L3MBTL4: variants seen among roughly 807,000 people sequenced by gnomAD.
L3MBTL4 encodes lethal(3)malignant brain tumor-like protein 4.
A neutral mutation model predicts 84.5 loss-of-function variants in L3MBTL4; 70 were observed. The ratio of observed to expected loss-of-function variants is 0.83; its 90% CI spans 0.68 to 1.01. The LOEUF is 1.01. Ranked by LOEUF, L3MBTL4 falls within the 50% of genes least tolerant of loss-of-function variation. The pLI is 0.00. For missense variants in L3MBTL4, 715 were observed against 754.8 expected (o/e 0.95, Z 0.62); for synonymous variants, 274 against 259.8 (o/e 1.05, Z -0.52).
chr18:6,086,310 CTG>C (rs1314786333), intron 15 of L3MBTL4, among the ~76,000 whole-genome samples: 1 of 152,208 alleles, frequency 6.6e-6, no homozygotes, highest in East Asian at 1.9e-4. Context: ...GTAGGACACA[CTG>C]TTCTGTGGCA....
At chr18:6,219,834 A>G (rs1416988293) in intron 10 of L3MBTL4, among the ~76,000 whole-genome samples, 1 of 151,932 alleles carries the variant, frequency 6.6e-6, no homozygotes, top group Non-Finnish European at 1.5e-5. Flanking sequence ...ATGTGGCAAA[A>G]TAAGCCGTCT....
At chr18:6,218,381 C>T (rs1316561363) in intron 10 of L3MBTL4, among the ~76,000 whole-genome samples, 1 of 150,524 alleles carries the variant, frequency 6.6e-6, no homozygotes, top group Non-Finnish European at 1.5e-5. Context: ...ACCATGCCCA[C>T]ACCTGGCCCC....
chr18:6,133,741 G>T (rs1278037033), intron 14 of L3MBTL4, among the ~76,000 whole-genome samples: 22 of 152,142 alleles, frequency 1.4e-4, no homozygotes, highest in Admixed American at 1.4e-3. Flanking sequence ...CAGCTGGGAG[G>T]TGCCAGGGAA....
chr18:5,978,061 A>T (rs1450401687), intron 16 of L3MBTL4, among the ~76,000 whole-genome samples: 1 of 152,194 alleles, frequency 6.6e-6, no homozygotes, highest in Admixed American at 6.5e-5. Flanking sequence ...TTAACACATA[A>T]TGGGACTGTG....
At chr18:6,009,299 C>T (rs932846221) in intron 16 of L3MBTL4, among the ~76,000 whole-genome samples, 8 of 152,102 alleles carry the variant, frequency 5.3e-5, no homozygotes, top group African/African-American at 1.7e-4. Context: ...GGAGCAATGA[C>T]CAGTCAGGAT....
chr18:5,974,310 T>C (rs1784820), intron 16 of L3MBTL4, among the ~76,000 whole-genome samples: 102,151 of 152,142 alleles, frequency 0.67, 35,089 homozygotes, highest in African/African-American at 0.82. Flanking sequence ...CTGCAGGGTC[T>C]GAAGAGGCCC....
chr18:6,268,243 T>C (rs2048719624), intron 4 of L3MBTL4, among the ~76,000 whole-genome samples: 1 of 151,998 alleles, frequency 6.6e-6, no homozygotes, highest in Admixed American at 6.6e-5. Flanking sequence ...CCGCTTCTAC[T>C]AAAAATACCA....
chr18:6,377,978 C>T (rs1269403472), intron 1 of L3MBTL4, among the ~76,000 whole-genome samples: 3 of 152,176 alleles, frequency 2.0e-5, no homozygotes, highest in Non-Finnish European at 4.4e-5. Flanking sequence ...CTCTCCAGCA[C>T]CTGTTGTTTC....
chr18:6,226,825 T>TA (rs770544022), intron 10 of L3MBTL4, among the ~76,000 whole-genome samples: 149 of 152,022 alleles, frequency 9.8e-4, no homozygotes, highest in Non-Finnish European at 1.6e-3. Flanking sequence ...GGAAAATATT[T>TA]AAAAAAACCA....
intron 13 of L3MBTL4, among the ~76,000 whole-genome samples, chr18:6,148,762 T>C (rs2042760140): frequency 6.6e-6 from 1 of 152,060 alleles, no homozygotes; most frequent in African/African-American, 2.4e-5. Flanking sequence ...ATAGAAAAAA[T>C]GTTAAGAGTT....
chr18:6,370,191 T>TGAAGG (rs1338980401), intron 1 of L3MBTL4, among the ~76,000 whole-genome samples: 3 of 147,014 alleles, frequency 2.0e-5, no homozygotes, highest in African/African-American at 7.6e-5. Context: ...GACACAAGGG[T>TGAAGG]GAAGGGAAGG....
chr18:6,090,595 C>CAT (rs1331060599), intron 15 of L3MBTL4, among the ~76,000 whole-genome samples: 4 of 62,992 alleles, frequency 6.4e-5, no homozygotes, highest in Non-Finnish European at 8.1e-5. Context: ...TATATATATA[C>CAT]ACACACACAC....
rs1421001759 is a variant in L3MBTL4 at position 5,960,260 on chromosome 18, C to T, written c.1615-104G>A. 5.5e-6 allele frequency: 3 copies of T among 548,150 alleles called. No individual in the cohort carries two copies. The African/African-American group carries it at 5.9e-5, about 11-fold the overall frequency. The allele number at this position is 548,150 out of a possible 1,614,324, so 34.0% of individuals were successfully genotyped here. On this transcript the variant is annotated intron_variant, in intron 17 of 18. Transcript: ENST00000317931. ...TAAAATATACTTAAAATCTCTCAAA[C>T]TCTTGGGAATTAAATAGTAACTATC...
intron 4 of L3MBTL4, among the ~76,000 whole-genome samples, chr18:6,289,748 G>T (rs77783245): frequency 6.6e-6 from 1 of 152,016 alleles, no homozygotes; most frequent in Non-Finnish European, 1.5e-5. Context: ...AGCTGTTATG[G>T]CCTGACAGTG....
intron 4 of L3MBTL4, among the ~76,000 whole-genome samples, chr18:6,289,724 T>C (rs974875827): frequency 6.6e-6 from 1 of 152,154 alleles, no homozygotes; most frequent in African/African-American, 2.4e-5. Context: ...AACTTGTCAG[T>C]ACAATTCTAA....
At chr18:6,044,942 G>A (rs9952717) in intron 16 of L3MBTL4, among the ~76,000 whole-genome samples, 2,508 of 152,274 alleles carry the variant, frequency 0.016, 74 homozygotes, top group African/African-American at 0.058. Context: ...CTTACTAAGT[G>A]TCTTAATAAG....
chr18:6,191,824 A>G (rs1313810271), intron 12 of L3MBTL4, among the ~76,000 whole-genome samples: 1 of 152,016 alleles, frequency 6.6e-6, no homozygotes, highest in Non-Finnish European at 1.5e-5. Flanking sequence ...CTTTGTCACT[A>G]CAAAAAATTT....
intron 14 of L3MBTL4, among the ~76,000 whole-genome samples, chr18:6,135,332 A>T (rs1293954555): frequency 6.6e-6 from 1 of 152,098 alleles, no homozygotes; most frequent in Non-Finnish European, 1.5e-5. Context: ...GGTCTTGGGG[A>T]TTATCATTAG....
In L3MBTL4 at chr18:6,404,753, C is replaced by A. The variant is rs534442377; in HGVS notation, c.-91+10048G>T. On this transcript the variant is annotated intron_variant, in intron 1 of 18. Coordinates refer to ENST00000317931, the MANE Select transcript of L3MBTL4 (RefSeq NM_001330559.2). The stretch of plus-strand genomic sequence containing the variant: ...CTAGGCTGGAGTGAAGTGGCTCAAA[C>A]ACAGCTCACTGCTGCCTCGGTCTCC... Among the ~76,000 whole-genome samples the A allele has an allele frequency of 2.7e-3, 415 of 152,248 alleles. 1 individual carries two copies. The highest frequency in any genetic ancestry group is 9.6e-3 in the African/African-American group (398 of 41,550).
Sources: allele counts gnomAD v4.1 joint callset (sites outside exome capture counted in the v4.1 genomes callset), GRCh38; gene constraint gnomAD v4.1.1; transcripts MANE v1.5; gene names NCBI Gene and HGNC (gene_info 2026-07-23, HGNC 2026-07-21).